The following CFHR1 variants were observed in gnomAD, a reference collection of about 807,000 sequenced individuals.
CFHR1 encodes complement factor H-related protein 1.
CFHR1 carries 22 observed loss-of-function variants against 30.4 expected under a neutral mutation model. The observed-to-expected ratio is 0.72, with a 90% CI of 0.52 to 1.03. CFHR1 has a LOEUF of 1.03. Among genes scored for constraint, CFHR1 ranks in the 50% least tolerant of loss-of-function variants. The probability of loss-of-function intolerance (pLI) is 0.00; values close to 1 mark genes in which losing one functional copy is unlikely to be tolerated. For missense variants in CFHR1, 248 were observed against 380.6 expected, an observed-to-expected ratio of 0.65 and a Z score of 2.90; for synonymous variants, 95 against 129.1, an observed-to-expected ratio of 0.74 and a Z score of 1.79.
rs1655502325 is a variant in CFHR1, at chr1:196,830,481, A to C, written c.608-19A>C. On this transcript the variant is annotated intron_variant, in intron 4 of 5. Transcript: ENST00000320493. The stretch of plus-strand genomic sequence containing the variant: ...ATTTGCTCTCACAATAAATCAAGTG[A>C]TGAAATGATGTTTTTTAGATTCTAC... 1 of 1,524,252 alleles carries C rather than the reference A, an allele frequency of 6.6e-7. No homozygotes were observed. Among genetic ancestry groups the C allele is most frequent in the Non-Finnish European group, 8.9e-7 (1 of 1,128,132 alleles). The allele number at this position is 1,524,252 out of a possible 1,614,324, so 94.4% of individuals were successfully genotyped here. A position where few individuals can be genotyped will look rare whatever the true frequency, so the allele number is the denominator to read the frequency against.
In CFHR1 at chr1:196,828,361, G is replaced by C. The variant is rs1041834782; in HGVS notation, c.607+115G>C. Reference sequence around the variant, plus strand: ...TAGATTTTTCAAATGCAAATAAAATGATTGATGGTGCTTAAAATTCAATTC... The same window carrying C: ...TAGATTTTTCAAATGCAAATAAAATCATTGATGGTGCTTAAAATTCAATTC... On this transcript the variant is annotated intron_variant, in intron 4 of 5. Coordinates refer to ENST00000320493, the MANE Select transcript of CFHR1 (RefSeq NM_002113.3). 5.5e-5 allele frequency: 45 copies of C among 811,676 alleles called. 5 individuals carry two copies. The highest frequency in any genetic ancestry group is 7.9e-5 in the Non-Finnish European group (43 of 546,656). The allele number at this position is 811,676 out of a possible 1,614,324, so 50.3% of individuals were successfully genotyped here.
At chr1:196,830,796 C>T (rs1571380193) in intron 5 of CFHR1, 114 bp downstream of exon 5, 1 of 1,348,506 alleles carries the variant, frequency 7.4e-7, no homozygotes, top group East Asian at 2.3e-5. Context: ...TGAATGCCTG[C>T]CTACCAAAAA....
chr1:196,825,742 T>C, intron 2 of CFHR1, 71 bp downstream of exon 2: 1 of 1,381,060 alleles, frequency 7.2e-7, no homozygotes, highest in Non-Finnish European at 9.9e-7. Flanking sequence ...GACAAGATCA[T>C]AAGGTCTTGA....
At chr1:196,823,108 T>C (rs1271419130) in intron 1 of CFHR1, among the ~76,000 whole-genome samples, 2 of 51,764 alleles carry the variant, frequency 3.9e-5, no homozygotes, top group Admixed American at 2.2e-4. Context: ...TATATGTGTG[T>C]GTGTGTGTGT....
chr1:196,825,979 G>T, intron 2 of CFHR1: 1 of 225,946 alleles, frequency 4.4e-6, no homozygotes, highest in Non-Finnish European at 8.2e-6. Flanking sequence ...CCTGATCAAA[G>T]TTTTCCTTTT....
chr1:196,823,464 A>T (rs77120904), intron 1 of CFHR1, among the ~76,000 whole-genome samples: 1 of 135,068 alleles, frequency 7.4e-6, no homozygotes, highest in Non-Finnish European at 1.6e-5. Context: ...TACTATCAAG[A>T]CGGGAGTCTT....
chr1:196,826,017 T>G (rs537321994), intron 2 of CFHR1: 1 of 200,696 alleles, frequency 5.0e-6, no homozygotes, highest in African/African-American at 3.0e-5. Context: ...ATATTCTGTT[T>G]TGAATTTACC....
intron 4 of CFHR1, among the ~76,000 whole-genome samples, chr1:196,829,851 T>C (rs1427615868): frequency 7.4e-6 from 1 of 134,792 alleles, no homozygotes; most frequent in African/African-American, 3.2e-5. Context: ...AAATGGGAAG[T>C]TTTCAGGTAT....
chr1:196,823,967 T>C (rs1655221509), intron 1 of CFHR1, among the ~76,000 whole-genome samples: 1 of 133,896 alleles, frequency 7.5e-6, no homozygotes, highest in Non-Finnish European at 1.6e-5. Context: ...AAGTATAAAG[T>C]CTAATAAAAA....
intron 5 of CFHR1, among the ~76,000 whole-genome samples, chr1:196,831,239 TTGATA>T (rs1028010974): frequency 7.3e-6 from 1 of 136,510 alleles, no homozygotes; most frequent in African/African-American, 3.1e-5. Flanking sequence ...ATATGCTGTT[TTGATA>T]TATTTATGCT....
chr1:196,823,078 C>T (rs416873), intron 1 of CFHR1, among the ~76,000 whole-genome samples: 62,969 of 125,476 alleles, frequency 0.5, 21,228 homozygotes, highest in African/African-American at 0.64. Flanking sequence ...AATAACTGTA[C>T]GACTGTATAT....
At chr1:196,822,635 G>T (rs1367484207) in intron 1 of CFHR1, among the ~76,000 whole-genome samples, 2 of 134,552 alleles carry the variant, frequency 1.5e-5, no homozygotes, top group Non-Finnish European at 1.6e-5. Context: ...CCACTGGAAG[G>T]TCTTCACGGC....
chr1:196,825,560 G>A lies in CFHR1; in HGVS notation c.142G>A (p.Gly48Arg), dbSNP rs775075700. Residue 48 changes from glycine (G) to arginine (R), a missense_variant, in exon 2 of 6, where the codon GGG becomes AGG. By Grantham distance (125) the Gly-to-Arg change is moderately radical. This residue lies in a region of CFHR1 where 121 missense variants were observed against 162.6 expected (regional missense o/e 0.74). Coordinates refer to ENST00000320493, the MANE Select transcript of CFHR1 (RefSeq NM_002113.3). ...TAAGCCATTTTCCCAGGTTCCTACA[G>A]GGGAAGTTTTCTATTACTCCTGTGA... ...KYKPFSQVPTGEVFYYSCEYN... is the reference protein window; with the variant it reads ...KYKPFSQVPTREVFYYSCEYN... 1 of 1,522,782 alleles carries A rather than the reference G, an allele frequency of 6.6e-7. No homozygotes were observed. The highest frequency in any genetic ancestry group is 8.9e-7 in the Non-Finnish European group (1 of 1,127,230). The allele number at this position is 1,522,782 out of a possible 1,614,324, so 94.3% of individuals were successfully genotyped here.
rs1655326801 is a variant in CFHR1 at position 196,826,466 on chromosome 1, C to T, written c.254-363C>T. Among the ~76,000 whole-genome samples, 2 of 90,454 alleles carry T rather than the reference C, an allele frequency of 2.2e-5. 1 individual carries two copies. Among genetic ancestry groups the T allele is most frequent in the Non-Finnish European group, 4.2e-5 (2 of 47,762 alleles). The allele number at this position is 90,454 out of a possible 152,430, so 59.3% of individuals were successfully genotyped here. On this transcript the variant is annotated intron_variant, in intron 2 of 5. Coordinates refer to ENST00000320493, the MANE Select transcript of CFHR1 (RefSeq NM_002113.3). ...TTTGATTTCAGCTTTGAAAGCTTTC[C>T]TTTTTAATTTTTTTTGTTCGTTTGT...
intron 1 of CFHR1, among the ~76,000 whole-genome samples, chr1:196,824,079 T>C (rs425737): frequency 0.47 from 62,285 of 131,908 alleles, 20,875 homozygotes; most frequent in African/African-American, 0.58. Context: ...CACCATAGTG[T>C]GTATGGATGT....
intron 1 of CFHR1, among the ~76,000 whole-genome samples, chr1:196,824,241 T>A (rs1655234264): frequency 8.7e-6 from 1 of 115,188 alleles, no homozygotes; most frequent in Non-Finnish European, 1.7e-5. Context: ...TATCCTCCCA[T>A]ACAATTTATT....
Position 196,830,555 on chromosome 1 carries a change from A to T in CFHR1, c.663A>T (p.Ser221=), listed in dbSNP as rs1161869689. ...PPPIDNGDIT[S]FPLSVYAPAS... ...CTATTGACAATGGGGACATTACTTC[A>T]TTCCCGTTGTCAGTATATGCTCCAG... Residue 221 remains serine (S), a synonymous_variant, in exon 5 of 6, where the codon TCA becomes TCT. Coordinates refer to ENST00000320493, the MANE Select transcript of CFHR1 (RefSeq NM_002113.3). 2 of 1,525,140 alleles carry T rather than the reference A, an allele frequency of 1.3e-6. 1 individual carries two copies. The highest frequency in any genetic ancestry group is 1.8e-6 in the Non-Finnish European group (2 of 1,129,292). 94.5% of individuals were successfully genotyped at this position (1,525,140 alleles called of 1,614,324 possible).
chr1:196,831,195 G>A (rs1655546196), intron 5 of CFHR1, among the ~76,000 whole-genome samples: 1 of 135,988 alleles, frequency 7.4e-6, no homozygotes, highest in Admixed American at 7.0e-5. Flanking sequence ...AAAGAATTTA[G>A]TTGATAAATA....
In CFHR1 at chr1:196,827,728, T is replaced by C. The variant is rs1307432049; in HGVS notation, c.431-342T>C. Among the ~76,000 whole-genome samples the C allele has an allele frequency of 9.8e-5, 11 of 112,600 alleles. 1 individual carries two copies. Among genetic ancestry groups the C allele is most frequent in the Admixed American group, 8.9e-4 (10 of 11,280 alleles). The allele number at this position is 112,600 out of a possible 152,430, so 73.9% of individuals were successfully genotyped here. A position where few individuals can be genotyped will look rare whatever the true frequency, so the allele number is the denominator to read the frequency against. On this transcript the variant is annotated intron_variant, in intron 3 of 5. Transcript: ENST00000320493. The stretch of plus-strand genomic sequence containing the variant: ...TGACTTTTTGCATTTTATAAATTAA[T>C]GTTAAATAAATAGAACTGGTAATAT...
Sources: gnomAD v4.1 joint callset for allele counts (sites outside exome capture counted in the v4.1 genomes callset) on GRCh38, gnomAD v4.1.1 for gene constraint, gnomAD v4.1.1 regional missense constraint, MANE v1.5 for transcripts, NCBI Gene and HGNC (gene_info 2026-07-23, HGNC 2026-07-21) for gene names.